Variants in PCDH9 observed in about 807,000 individuals in gnomAD.
PCDH9 encodes protocadherin-9.
A neutral mutation model predicts 70.6 loss-of-function variants in PCDH9; 24 were observed. That is an observed-to-expected ratio of 0.34 (90% CI 0.25 to 0.48). The LOEUF is 0.48. PCDH9 is among the 20% of genes least tolerant of loss of function. The pLI is 0.99. For synonymous variants in PCDH9, 562 were observed against 558.5 expected, an observed-to-expected ratio of 1.01 and a Z score of -0.09; for missense variants, 1,281 against 1,503.6, an observed-to-expected ratio of 0.85 and a Z score of 2.45.
At chr13:66,919,969 T>C (rs1482970521) in intron 2 of PCDH9, among the ~76,000 whole-genome samples, 1 of 151,036 alleles carries the variant, frequency 6.6e-6, no homozygotes, top group African/African-American at 2.4e-5. Flanking sequence ...TTTTTTAACA[T>C]CCTTACATTC....
At chr13:66,560,336 A>G (rs1172600920) in intron 4 of PCDH9, among the ~76,000 whole-genome samples, 1 of 152,050 alleles carries the variant, frequency 6.6e-6, no homozygotes, top group East Asian at 1.9e-4. Context: ...ATTGCAGCAC[A>G]AAGTGGGGTG....
chr13:66,631,294 G>T lies in PCDH9; in HGVS notation c.3256C>A (p.Leu1086Met), dbSNP rs777089757. Residue 1086 changes from leucine (L) to methionine (M), a missense_variant, in exon 4 of 5, where the codon CTG becomes ATG. Physicochemically the swap from Leu to Met is conservative, Grantham distance 15. Around this residue, in one of 4 missense-constraint regions of PCDH9, gnomAD observed 264 missense variants for 278.8 expected, o/e 0.95. Transcript: ENST00000377865. ...SGTLISHPLPLVQPQDEFYDQ... is the reference protein window; with the variant it reads ...SGTLISHPLPMVQPQDEFYDQ... ...TAGAATTCGTCCTGTGGCTGAACCA[G>T]AGGAAGAGGGTGTGAGATCAGGGTT... 6.2e-7 allele frequency: 1 copy of T among 1,607,052 alleles called. No individual in the cohort carries two copies.
intron 3 of PCDH9, among the ~76,000 whole-genome samples, chr13:66,768,575 T>C (rs2079756348): frequency 6.6e-6 from 1 of 152,078 alleles, no homozygotes; most frequent in African/African-American, 2.4e-5. Context: ...TAAAACAATA[T>C]TTTTAACAGC....
chr13:66,539,762 T>G (rs1156852437), intron 4 of PCDH9, among the ~76,000 whole-genome samples: 2 of 151,980 alleles, frequency 1.3e-5, no homozygotes, highest in African/African-American at 4.8e-5. Context: ...CATTTACAAT[T>G]TTTTTTGCCT....
intron 4 of PCDH9, among the ~76,000 whole-genome samples, chr13:66,472,009 G>A (rs1411235152): frequency 6.6e-6 from 1 of 151,868 alleles, no homozygotes; most frequent in Non-Finnish European, 1.5e-5. Context: ...TCAGGAGTTC[G>A]AAACGAGCTT....
intron 3 of PCDH9, among the ~76,000 whole-genome samples, chr13:66,779,605 A>G (rs1244830507): frequency 6.6e-6 from 1 of 151,826 alleles, no homozygotes; most frequent in Non-Finnish European, 1.5e-5. Flanking sequence ...GGCGGATCAC[A>G]AGGTCAAGAG....
intron 4 of PCDH9, among the ~76,000 whole-genome samples, chr13:66,367,326 A>G (rs1307175292): frequency 6.6e-6 from 1 of 152,184 alleles, no homozygotes; most frequent in African/African-American, 2.4e-5. Flanking sequence ...ACAGTGGTAA[A>G]CGTAACAGAC....
At chr13:66,393,363 A>C (rs1957050536) in intron 4 of PCDH9, among the ~76,000 whole-genome samples, 1 of 152,206 alleles carries the variant, frequency 6.6e-6, no homozygotes, top group Admixed American at 6.5e-5. Flanking sequence ...CACCACTGCT[A>C]ACTCTTTTAT....
chr13:66,733,711 G>A (rs1439573055), intron 3 of PCDH9, among the ~76,000 whole-genome samples: 1 of 149,572 alleles, frequency 6.7e-6, no homozygotes, highest in East Asian at 2.0e-4. Flanking sequence ...CACTTTGAAG[G>A]CCACAAAGCT....
At chr13:66,633,601 C>A (rs2077599945) in intron 3 of PCDH9, among the ~76,000 whole-genome samples, 1 of 152,066 alleles carries the variant, frequency 6.6e-6, no homozygotes, top group African/African-American at 2.4e-5. Context: ...ACTGAAAACT[C>A]CTAGATTTTA....
intron 3 of PCDH9, among the ~76,000 whole-genome samples, chr13:66,740,556 G>A (rs1220433025): frequency 1.8e-4 from 27 of 146,824 alleles, no homozygotes; most frequent in South Asian, 4.5e-4. Flanking sequence ...CCAGGAGCTG[G>A]TTTTTTGAAA....
chr13:66,383,397 A>C (rs1347576174), intron 4 of PCDH9, among the ~76,000 whole-genome samples: 3 of 152,174 alleles, frequency 2.0e-5, no homozygotes, highest in Non-Finnish European at 4.4e-5. Context: ...AAATGCTCAG[A>C]AACGTATCTC....
intron 4 of PCDH9, among the ~76,000 whole-genome samples, chr13:66,322,398 C>A (rs775462832): frequency 3.4e-4 from 51 of 151,918 alleles, no homozygotes; most frequent in Non-Finnish European, 6.3e-4. Flanking sequence ...AGATATCAAT[C>A]AAAAATCTGA....
intron 4 of PCDH9, among the ~76,000 whole-genome samples, chr13:66,445,209 T>A (rs1440030923): frequency 2.0e-5 from 3 of 147,252 alleles, no homozygotes; most frequent in Non-Finnish European, 4.5e-5. Flanking sequence ...ACTTCAAATA[T>A]ATATAATTTT....
At chr13:66,941,550 AAGAT>A (rs1004610124) in intron 2 of PCDH9, among the ~76,000 whole-genome samples, 10 of 151,858 alleles carry the variant, frequency 6.6e-5, no homozygotes, top group African/African-American at 2.2e-4. Flanking sequence ...TAAAAACAAA[AAGAT>A]AGAAAAGATA....
At chr13:67,064,018 C>T (rs2085591834) in intron 2 of PCDH9, among the ~76,000 whole-genome samples, 1 of 152,104 alleles carries the variant, frequency 6.6e-6, no homozygotes, top group Admixed American at 6.6e-5. Flanking sequence ...CCCCTCTTTG[C>T]TTCTTTTCTT....
At chr13:66,723,220 T>C (rs1236234597) in intron 3 of PCDH9, among the ~76,000 whole-genome samples, 1 of 152,148 alleles carries the variant, frequency 6.6e-6, no homozygotes, top group Non-Finnish European at 1.5e-5. Flanking sequence ...GTTTTCTTCA[T>C]ATCTGCTTCT....
intron 3 of PCDH9, among the ~76,000 whole-genome samples, chr13:66,827,465 C>T (rs565434592): frequency 6.6e-6 from 1 of 151,938 alleles, no homozygotes; most frequent in East Asian, 1.9e-4. Flanking sequence ...AATAAAGGCT[C>T]TCAGAGGCTT....
Position 67,228,389 on chromosome 13 carries a change from G to T in PCDH9, c.52C>A (p.Leu18Met), listed in dbSNP as rs1480629311. ...AGTTCTTGAGCTATTGCGGAATCCAGCCTTAAACAGGCAATCAGAGCAGCC... is the reference window on the plus strand; with the variant it reads ...AGTTCTTGAGCTATTGCGGAATCCATCCTTAAACAGGCAATCAGAGCAGCC... Reference protein sequence around the residue: ...LLAALIACLRLDSAIAQELIY... With the variant: ...LLAALIACLRMDSAIAQELIY... The change falls in exon 2 of 5, where the codon CTG (leucine) becomes ATG (methionine). Residue 18 changes from leucine (L) to methionine (M), a missense_variant. Leu to Met is a conservative substitution (Grantham distance 15). Transcript: ENST00000377865. 6.2e-7 allele frequency: 1 copy of T among 1,609,520 alleles called. No homozygotes were observed. Among genetic ancestry groups the T allele is most frequent in the Non-Finnish European group, 8.5e-7 (1 of 1,178,146 alleles).
Sources: allele counts gnomAD v4.1 joint callset (sites outside exome capture counted in the v4.1 genomes callset), GRCh38; gene constraint gnomAD v4.1.1; regional missense constraint gnomAD v4.1.1; transcripts MANE v1.5; gene names NCBI Gene and HGNC (gene_info 2026-07-23, HGNC 2026-07-21).